Variants in HTN3 observed in about 807,000 individuals in gnomAD.
HTN3 encodes histatin-3.
Under a neutral mutation model 10.6 loss-of-function variants are expected in HTN3, and 15 were observed. The ratio of observed to expected loss-of-function variants is 1.42; its 90% CI spans 0.95 to 2.18. HTN3 has a LOEUF of 2.18. Ranked by LOEUF, HTN3 falls within the 30% of genes most tolerant of loss-of-function variation. The probability of loss-of-function intolerance (pLI) is 0.00; values close to 1 mark genes in which losing one functional copy is unlikely to be tolerated. For synonymous variants in HTN3, 15 were observed against 16.9 expected (o/e 0.89, Z 0.27); for missense variants, 68 against 58.0 (o/e 1.17, Z -0.56).
At chr4:70,032,428 G>C (rs186993306) in intron 4 of HTN3, among the ~76,000 whole-genome samples, 5 of 152,062 alleles carry the variant, frequency 3.3e-5, no homozygotes, top group Admixed American at 2.0e-4. Flanking sequence ...CTAATTCTAT[G>C]AAGTATAACA....
rs779645903 is a variant in HTN3 at position 70,030,724 on chromosome 4, A to G, written c.-13-4A>G. The G allele has an allele frequency of 1.6e-5, 25 of 1,593,720 alleles. No individual in the cohort carries two copies. The highest frequency in any genetic ancestry group is 2.0e-5 in the Non-Finnish European group (23 of 1,162,014). On this transcript the variant is annotated splice_region_variant and splice_polypyrimidine_tract_variant and intron_variant, in intron 1 of 5. Transcript: ENST00000673563. ...TTACTGATTTTTCATGTTTGATTTT[A>G]TAGGACTCAGCCAACTATGAAGTTT...
chr4:70,034,687 T>C (rs778739642), intron 5 of HTN3, among the ~76,000 whole-genome samples: 1 of 152,114 alleles, frequency 6.6e-6, no homozygotes, highest in Non-Finnish European at 1.5e-5. Flanking sequence ...GACCTAGCAA[T>C]CCCGTTACTG....
intron 1 of HTN3, among the ~76,000 whole-genome samples, chr4:70,029,304 T>C (rs1357743809): frequency 6.6e-6 from 1 of 151,972 alleles, no homozygotes; most frequent in Non-Finnish European, 1.5e-5. Flanking sequence ...CATAATTTGA[T>C]TTATCTATTA....
intron 2 of HTN3, 47 bp from the exon 3 acceptor site, chr4:70,031,932 T>C: frequency 7.6e-7 from 1 of 1,307,808 alleles, no homozygotes; most frequent in Admixed American, 1.8e-5. Flanking sequence ...ATTCTTGAAT[T>C]ATGAAATTAA....
chr4:70,033,267 A>G lies in HTN3; in HGVS notation c.*33+14A>G. The G allele has an allele frequency of 8.2e-7, 1 of 1,213,980 alleles. No individual in the cohort carries two copies. The highest frequency in any genetic ancestry group is 1.2e-6 in the Non-Finnish European group (1 of 844,956). 75.2% of individuals were successfully genotyped at this position (1,213,980 alleles called of 1,614,324 possible). On this transcript the variant is annotated intron_variant, in intron 5 of 5. Transcript: ENST00000673563. ...ATGATTATGGAGGTAAGCTGACTCT[A>G]GTTACTTTTCTTTCTAGAAGTATCA...
chr4:70,030,141 A>G (rs1387760519), intron 1 of HTN3, among the ~76,000 whole-genome samples: 3 of 152,124 alleles, frequency 2.0e-5, no homozygotes, highest in Non-Finnish European at 4.4e-5. Flanking sequence ...TTGAACTTTC[A>G]ACATGCTTTC....
chr4:70,030,567 G>T (rs1271868515), intron 1 of HTN3, among the ~76,000 whole-genome samples, 161 bp from the exon 2 acceptor site: 2 of 152,146 alleles, frequency 1.3e-5, no homozygotes, highest in African/African-American at 4.8e-5. Flanking sequence ...CTTGAGCCCA[G>T]GTGGTCCAGG....
intron 4 of HTN3, among the ~76,000 whole-genome samples, chr4:70,032,368 T>C (rs991605133): frequency 1.3e-5 from 2 of 152,024 alleles, no homozygotes; most frequent in African/African-American, 4.8e-5. Flanking sequence ...CTTTCTCTTA[T>C]AAATAATTAC....
In HTN3 at chr4:70,032,098, A is replaced by C. The variant is rs557360175; in HGVS notation, c.93A>C (p.Arg31Ser). The C allele has an allele frequency of 3.4e-5, 52 of 1,518,640 alleles. No individual in the cohort carries two copies. The highest frequency in any genetic ancestry group is 4.1e-5 in the Non-Finnish European group (45 of 1,100,340). The allele number at this position is 1,518,640 out of a possible 1,614,324, so 94.1% of individuals were successfully genotyped here. A position where few individuals can be genotyped will look rare whatever the true frequency, so the allele number is the denominator to read the frequency against. Reference sequence around the variant, plus strand: ...CATAGAGACATCATGGGTATAAAAGAAAATTCCATGTAAGTGTTCTTCTGA... The same window carrying C: ...CATAGAGACATCATGGGTATAAAAGCAAATTCCATGTAAGTGTTCTTCTGA... ...SHAKRHHGYK[R>S]KFHEKHHSHR... The change falls in exon 4 of 6, where the codon AGA becomes AGC. Residue 31 changes from arginine to serine, a missense_variant. Arg to Ser is a moderately radical substitution (Grantham distance 110). Transcript: ENST00000673563.
At chr4:70,032,733 T>A (rs1725414927) in intron 4 of HTN3, among the ~76,000 whole-genome samples, 1 of 152,024 alleles carries the variant, frequency 6.6e-6, no homozygotes, top group Non-Finnish European at 1.5e-5. Flanking sequence ...GCAGTGGGTA[T>A]GAAAGAATGT....
chr4:70,031,953 A>C, intron 2 of HTN3, 26 bp from the exon 3 acceptor site: 1 of 1,459,954 alleles, frequency 6.8e-7, no homozygotes, highest in Non-Finnish European at 9.5e-7. Context: ...GATATTAATT[A>C]TTTTCTCATT....
intron 1 of HTN3, among the ~76,000 whole-genome samples, chr4:70,029,642 C>T (rs1725325260): frequency 6.6e-6 from 1 of 152,058 alleles, no homozygotes; most frequent in South Asian, 2.1e-4. Context: ...ATTGTATTTT[C>T]CAGTGGAAAT....
intron 1 of HTN3, among the ~76,000 whole-genome samples, chr4:70,028,926 T>G (rs1380209241): frequency 6.6e-6 from 1 of 152,064 alleles, no homozygotes; most frequent in Admixed American, 6.6e-5. Context: ...TACTTTCCTC[T>G]TAGTCGTAAA....
chr4:70,032,993 A>T (rs1489185062), intron 4 of HTN3, among the ~76,000 whole-genome samples, 174 bp from the exon 5 acceptor site: 1 of 152,112 alleles, frequency 6.6e-6, no homozygotes, highest in East Asian at 1.9e-4. Flanking sequence ...GCTTTTAAAC[A>T]TTTTTCTGAA....
At chr4:70,030,956 T>C in intron 2 of HTN3, 165 bp downstream of exon 2, 2 of 572,790 alleles carry the variant, frequency 3.5e-6, no homozygotes, top group South Asian at 4.0e-5. Flanking sequence ...TTAAAGGACT[T>C]AGAATAAATA....
Position 70,030,730 on chromosome 4 carries a change from C to G in HTN3, c.-11C>G, listed in dbSNP as rs1167487006. 3 of 1,602,402 alleles carry G rather than the reference C, an allele frequency of 1.9e-6. No individual in the cohort carries two copies. The East Asian group carries it at 6.7e-5, about 36-fold the overall frequency. On this transcript the variant is annotated splice_region_variant and 5_prime_UTR_variant, in exon 2 of 6. Coordinates refer to ENST00000673563, the MANE Select transcript of HTN3 (RefSeq NM_000200.3). ...ATTTTTCATGTTTGATTTTATAGGA[C>G]TCAGCCAACTATGAAGTTTTTTGTT...
In HTN3 at chr4:70,033,100, G is replaced by A. The variant is rs1010868383; in HGVS notation, c.103-67G>A. Reference sequence around the variant, plus strand: ...ATCTAAGCTTTCAGTGACAGTTTTTGTGAAGCATTTTTACTGTCATTGCCT... The same window carrying A: ...ATCTAAGCTTTCAGTGACAGTTTTTATGAAGCATTTTTACTGTCATTGCCT... On this transcript the variant is annotated intron_variant, in intron 4 of 5. Coordinates refer to ENST00000673563, the MANE Select transcript of HTN3 (RefSeq NM_000200.3). 4 of 1,123,850 alleles carry A rather than the reference G, an allele frequency of 3.6e-6. No homozygotes were observed. The South Asian group carries it at 4.2e-5, about 12-fold the overall frequency. 69.6% of individuals were successfully genotyped at this position (1,123,850 alleles called of 1,614,324 possible).
At position 70,033,216 on chromosome 4, in the gene HTN3, AT is replaced by A. The variant is rs761164770; in HGVS notation, c.154del (p.Ter52AspfsTer9). 6.3e-7 allele frequency: 1 copy of A among 1,587,698 alleles called. No individual in the cohort carries two copies. The highest frequency in any genetic ancestry group is 8.6e-7 in the Non-Finnish European group (1 of 1,159,984). On this transcript the variant is annotated frameshift_variant, in exon 5 of 6. Transcript: ENST00000673563. LOFTEE classifies it high-confidence loss of function. ...RGYRSNYLYDN is the reference protein window; with the variant it reads ...RGYRSNYLYDX ...TATAGATCAAATTATCTGTATGACA[AT>A]TGATATCTTCAGTAATCACGGGGCA...
At chr4:70,035,745 TA>T (rs1229782633) in intron 5 of HTN3, among the ~76,000 whole-genome samples, 1 of 152,170 alleles carries the variant, frequency 6.6e-6, no homozygotes, top group African/African-American at 2.4e-5. Flanking sequence ...TACTTCAAAA[TA>T]AAGTAATATT....
Sources: allele counts gnomAD v4.1 joint callset (sites outside exome capture counted in the v4.1 genomes callset), GRCh38; gene constraint gnomAD v4.1.1; transcripts MANE v1.5; gene names NCBI Gene and HGNC (gene_info 2026-07-23, HGNC 2026-07-21).